CNTNAP2: variants seen among roughly 807,000 people sequenced by gnomAD.
The protein encoded by CNTNAP2 is contactin associated protein 2, also known as contactin-associated protein-like 2.
CNTNAP2 carries 98 observed loss-of-function variants against 155.2 expected under a neutral mutation model. The observed-to-expected ratio is 0.63, with a 90% CI of 0.54 to 0.75. The LOEUF (loss-of-function observed/expected upper bound fraction) is 0.75. CNTNAP2 is among the 30% of genes least tolerant of loss of function. The pLI is 0.00. For missense variants in CNTNAP2, 1,727 were observed against 1,688.1 expected, an observed-to-expected ratio of 1.02 and a Z score of -0.40; for synonymous variants, 651 against 631.2, an observed-to-expected ratio of 1.03 and a Z score of -0.47.
chr7:147,937,102 T>C (rs957814569), intron 14 of CNTNAP2, among the ~76,000 whole-genome samples: 5 of 152,016 alleles, frequency 3.3e-5, no homozygotes, highest in Non-Finnish European at 2.9e-5. Context: ...TCCGGGACTT[T>C]ATTTTTGGAT....
intron 15 of CNTNAP2, among the ~76,000 whole-genome samples, chr7:148,082,683 C>CT (rs897427995): frequency 4.6e-5 from 7 of 151,312 alleles, no homozygotes; most frequent in East Asian, 1.9e-4. Context: ...GATTTTCTTT[C>CT]TTTTTTTTTG....
intron 10 of CNTNAP2, among the ~76,000 whole-genome samples, chr7:147,402,190 G>C (rs12532315): frequency 0.13 from 19,327 of 152,112 alleles, 1,634 homozygotes; most frequent in East Asian, 0.35. Flanking sequence ...ACTTCCTTTT[G>C]TGGTTGTACT....
At chr7:147,845,212 A>G (rs1207617658) in intron 13 of CNTNAP2, among the ~76,000 whole-genome samples, 1,379 of 109,020 alleles carry the variant, frequency 0.013, 19 homozygotes, top group Non-Finnish European at 0.019. Context: ...TCGGCTGTGA[A>G]TCCATCTGGT....
rs148955599 is a variant in CNTNAP2 at position 148,275,725 on chromosome 7, T to C, written c.3475+8599T>C. ...TGGCTGCTTGGGCTACCTCATGGCA[T>C]GGTGGCTGGGCTCCAAGAAGGAGCT... is the stretch of plus-strand genomic sequence containing the variant. On this transcript the variant is annotated intron_variant, in intron 21 of 23. Coordinates refer to ENST00000361727, the MANE Select transcript of CNTNAP2 (RefSeq NM_014141.6). Among the ~76,000 whole-genome samples the C allele has an allele frequency of 7.4e-3, 1,134 of 152,310 alleles. 11 individuals are homozygous for C. The highest frequency in any genetic ancestry group is 0.013 in the Non-Finnish European group (876 of 68,026).
intron 17 of CNTNAP2, among the ~76,000 whole-genome samples, chr7:148,168,568 G>T (rs1038735609): frequency 8.0e-6 from 1 of 125,698 alleles, no homozygotes; most frequent in African/African-American, 3.0e-5. Context: ...GTTGTGGGGT[G>T]GGGGGAGGGG....
chr7:148,094,632 T>A (rs1266112044), intron 15 of CNTNAP2, among the ~76,000 whole-genome samples: 1 of 152,098 alleles, frequency 6.6e-6, no homozygotes, highest in Non-Finnish European at 1.5e-5. Context: ...TTGACAGAAT[T>A]TGGCACCTGA....
At chr7:146,206,569 T>C (rs1190749247) in intron 1 of CNTNAP2, among the ~76,000 whole-genome samples, 1 of 151,956 alleles carries the variant, frequency 6.6e-6, no homozygotes, top group African/African-American at 2.4e-5. Flanking sequence ...ATACAATGCA[T>C]CTTTAGTACT....
intron 3 of CNTNAP2, among the ~76,000 whole-genome samples, chr7:146,853,735 C>G (rs986088167): frequency 6.6e-6 from 1 of 152,104 alleles, no homozygotes; most frequent in South Asian, 2.1e-4. Flanking sequence ...GGTGAGTTGT[C>G]TGAGGGGTTT....
intron 8 of CNTNAP2, among the ~76,000 whole-genome samples, chr7:147,289,841 C>T (rs1805261934): frequency 1.3e-5 from 2 of 152,060 alleles, no homozygotes; most frequent in African/African-American, 4.8e-5. Flanking sequence ...CAAATAATTT[C>T]ATATATATTG....
intron 15 of CNTNAP2, among the ~76,000 whole-genome samples, chr7:148,090,808 G>A (rs758102344): frequency 1.3e-5 from 2 of 152,058 alleles, no homozygotes; most frequent in Non-Finnish European, 2.9e-5. Context: ...TATGTTTACC[G>A]CAGCATTATT....
chr7:146,887,132 T>C (rs1167151073), intron 3 of CNTNAP2, among the ~76,000 whole-genome samples: 1 of 151,966 alleles, frequency 6.6e-6, no homozygotes, highest in Admixed American at 6.6e-5. Context: ...TATCTAGATA[T>C]CTACATAGTT....
intron 16 of CNTNAP2, among the ~76,000 whole-genome samples, chr7:148,143,320 G>A (rs1277460043): frequency 6.6e-6 from 1 of 152,188 alleles, no homozygotes; most frequent in Non-Finnish European, 1.5e-5. Context: ...AAAATGGCTT[G>A]AGCAATAACA....
intron 15 of CNTNAP2, among the ~76,000 whole-genome samples, chr7:148,029,872 A>G (rs1802441419): frequency 6.6e-6 from 1 of 152,212 alleles, no homozygotes; most frequent in Admixed American, 6.5e-5. Flanking sequence ...ATACTCCTGT[A>G]AGGTATATTT....
intron 3 of CNTNAP2, among the ~76,000 whole-genome samples, chr7:146,903,526 T>A (rs1796049338): frequency 6.6e-6 from 1 of 152,232 alleles, no homozygotes; most frequent in Non-Finnish European, 1.5e-5. Context: ...AAATGACAAC[T>A]TTGTTCTTTT....
intron 13 of CNTNAP2, among the ~76,000 whole-genome samples, chr7:147,855,638 G>A (rs1416598344): frequency 6.6e-6 from 1 of 151,742 alleles, no homozygotes; most frequent in African/African-American, 2.4e-5. Context: ...AAAAAAATAA[G>A]TACAATTGCA....
intron 15 of CNTNAP2, among the ~76,000 whole-genome samples, chr7:148,065,337 G>A (rs1454349679): frequency 1.3e-5 from 2 of 152,096 alleles, no homozygotes; most frequent in Non-Finnish European, 2.9e-5. Flanking sequence ...TAAGTCCATT[G>A]CTTCTTTGTT....
At chr7:146,661,432 A>G (rs773355673) in intron 1 of CNTNAP2, among the ~76,000 whole-genome samples, 9 of 151,930 alleles carry the variant, frequency 5.9e-5, no homozygotes, top group Non-Finnish European at 1.3e-4. Context: ...TGTAATCAAT[A>G]TTCTCCCCCA....
intron 13 of CNTNAP2, among the ~76,000 whole-genome samples, chr7:147,706,522 A>C (rs538010103): frequency 4.6e-5 from 7 of 152,042 alleles, no homozygotes; most frequent in Non-Finnish European, 8.8e-5. Context: ...TTCCCTTATA[A>C]GTGACTAGAT....
chr7:146,845,976 AT>A (rs766938428), intron 3 of CNTNAP2, among the ~76,000 whole-genome samples: 4 of 152,188 alleles, frequency 2.6e-5, no homozygotes, highest in Non-Finnish European at 4.4e-5. Flanking sequence ...GGTTGCACTA[AT>A]TTTCCAAATC....
Sources: gnomAD v4.1 joint callset for allele counts (sites outside exome capture counted in the v4.1 genomes callset) on GRCh38, gnomAD v4.1.1 for gene constraint, MANE v1.5 for transcripts, NCBI Gene and HGNC (gene_info 2026-07-23, HGNC 2026-07-21) for gene names.